Variants in SGCG observed in about 807,000 individuals in gnomAD.
SGCG encodes the protein gamma-sarcoglycan.
Under a neutral mutation model 29.3 loss-of-function variants are expected in SGCG, and 26 were observed. The ratio of observed to expected loss-of-function variants is 0.89; its 90% CI spans 0.65 to 1.23. SGCG has a LOEUF of 1.23. Ranked by LOEUF, SGCG falls within the 50% of genes most tolerant of loss-of-function variation. The pLI is 0.00. For missense variants in SGCG, 353 were observed against 356.0 expected (o/e 0.99, Z 0.07); for synonymous variants, 145 against 129.7 (o/e 1.12, Z -0.80).
chr13:23,203,602 T>A, intron 1 of SGCG, 93 bp from the exon 2 acceptor site: 1 of 860,886 alleles, frequency 1.2e-6, no homozygotes, highest in African/African-American at 1.7e-5. Context: ...AAATATGTTT[T>A]CAGGCTCATA....
chr13:23,281,219 G>A (rs1286199907), intron 5 of SGCG, among the ~76,000 whole-genome samples: 2 of 151,768 alleles, frequency 1.3e-5, no homozygotes, highest in East Asian at 3.9e-4. Flanking sequence ...GCGTGCCTGT[G>A]GTCCCAGCTA....
At chr13:23,289,958 A>G (rs992166405) in intron 5 of SGCG, among the ~76,000 whole-genome samples, 5 of 152,212 alleles carry the variant, frequency 3.3e-5, no homozygotes, top group African/African-American at 1.2e-4. Context: ...ATTGTAGTAC[A>G]CGTAATCAGC....
chr13:23,314,176 GTA>G lies in SGCG; in HGVS notation c.579-6448_579-6447del, dbSNP rs1344869674. ...AGCTATATATATAGAGTTTTGAACA[GTA>G]TATATATATATAGAGAGAGAGAGAG... On this transcript the variant is annotated intron_variant, in intron 6 of 7. Coordinates refer to ENST00000218867, the MANE Select transcript of SGCG (RefSeq NM_000231.3). 1.3e-3 allele frequency among the ~76,000 whole-genome samples: 173 copies of G among 135,760 alleles called. 2 individuals are homozygous for G. Among genetic ancestry groups the G allele is most frequent in the African/African-American group, 3.7e-3 (145 of 39,450 alleles). The allele number at this position is 135,760 out of a possible 152,430, so 89.1% of individuals were successfully genotyped here. A position where few individuals can be genotyped will look rare whatever the true frequency, so the allele number is the denominator to read the frequency against.
intron 4 of SGCG, among the ~76,000 whole-genome samples, chr13:23,255,419 G>A (rs183306605): frequency 6.6e-5 from 10 of 152,220 alleles, no homozygotes; most frequent in East Asian, 1.9e-4. Flanking sequence ...GACTTAGGAC[G>A]TTGGACTTCA....
chr13:23,219,414 A>G (rs989370086), intron 2 of SGCG, among the ~76,000 whole-genome samples: 1 of 152,186 alleles, frequency 6.6e-6, no homozygotes, highest in Non-Finnish European at 1.5e-5. Flanking sequence ...TTTAATGTCT[A>G]AATAGAGGTA....
At position 23,324,655 on chromosome 13, in the gene SGCG, C is replaced by G. The variant is rs1883169406; in HGVS notation, c.*114C>G. 2 of 875,288 alleles carry G rather than the reference C, an allele frequency of 2.3e-6. No homozygotes were observed. The highest frequency in any genetic ancestry group is 3.6e-6 in the Non-Finnish European group (2 of 551,726). 54.2% of individuals were successfully genotyped at this position (875,288 alleles called of 1,614,324 possible). A position where few individuals can be genotyped will look rare whatever the true frequency, so the allele number is the denominator to read the frequency against. The stretch of plus-strand genomic sequence containing the variant: ...AGCGTGGATGGGAAGTAAACGCTTC[C>G]AGAGGAACTCAGAAAAAATTATGTG... On this transcript the variant is annotated 3_prime_UTR_variant, in exon 8 of 8. Transcript: ENST00000218867.
intron 1 of SGCG, among the ~76,000 whole-genome samples, chr13:23,200,769 G>A (rs1877713347): frequency 6.6e-6 from 1 of 152,118 alleles, no homozygotes; most frequent in Admixed American, 6.5e-5. Context: ...AGCGATCTTT[G>A]CACAGAGAGT....
At chr13:23,271,511 G>A (rs1355840949) in intron 4 of SGCG, among the ~76,000 whole-genome samples, 5 of 152,314 alleles carry the variant, frequency 3.3e-5, no homozygotes, top group South Asian at 2.1e-4. Context: ...TGCAGCCGGC[G>A]GGCTACAGGT....
chr13:23,167,547 G>A, the SGCG span, among the ~76,000 whole-genome samples: 4 of 151,914 alleles, frequency 2.6e-5, no homozygotes, highest in African/African-American at 7.3e-5. Context: ...TTTTCTCCAC[G>A]TCCTCGCCAG....
At chr13:23,268,864 G>A (rs1368349040) in intron 4 of SGCG, 6 of 148,660 alleles carry the variant, frequency 4.0e-5, no homozygotes, top group African/African-American at 1.2e-4. Context: ...TGGGCCAAGA[G>A]ACAAGTTACT....
Position 23,223,862 on chromosome 13 carries a change from A to C in SGCG, c.196-10749A>C, listed in dbSNP as rs546474593. ...GTGCCTGTAATCCCAGCTACTCGGG[A>C]GGCTGAGGCAAGAGAATCGCTTGAA... On this transcript the variant is annotated intron_variant, in intron 2 of 7. Transcript: ENST00000218867. Among the ~76,000 whole-genome samples the C allele has an allele frequency of 8.5e-5, 13 of 152,302 alleles. No individual in the cohort carries two copies. The South Asian group carries it at 2.7e-3, about 32-fold the overall frequency.
chr13:23,246,154 T>G (rs7338202), intron 3 of SGCG: 6,784 of 153,090 alleles, frequency 0.044, 253 homozygotes, highest in Middle Eastern at 0.1. Context: ...GAGTGATTAT[T>G]CCACCAGTTT....
intron 2 of SGCG, among the ~76,000 whole-genome samples, chr13:23,209,678 A>C (rs542931039): frequency 1.1e-3 from 166 of 152,274 alleles, no homozygotes; most frequent in African/African-American, 3.9e-3. Flanking sequence ...CAACACTGTA[A>C]AATAGGCTTT....
chr13:23,306,025 A>AATTATT (rs527613380), intron 6 of SGCG, among the ~76,000 whole-genome samples: 4 of 151,488 alleles, frequency 2.6e-5, no homozygotes, highest in African/African-American at 7.3e-5. Flanking sequence ...AATGCACTAC[A>AATTATT]ATTATTATTA....
chr13:23,275,828 G>C (rs1881048448), intron 4 of SGCG, among the ~76,000 whole-genome samples: 1 of 152,136 alleles, frequency 6.6e-6, no homozygotes, highest in Admixed American at 6.5e-5. Context: ...TGCAACAGCA[G>C]AATATACGTT....
chr13:23,204,685 C>G, intron 2 of SGCG, among the ~76,000 whole-genome samples: 1 of 140,828 alleles, frequency 7.1e-6, no homozygotes. Flanking sequence ...TCTTTCTCCT[C>G]TTTCTCTCTT....
chr13:23,298,640 G>A (rs1882003582), intron 6 of SGCG, among the ~76,000 whole-genome samples: 1 of 151,924 alleles, frequency 6.6e-6, no homozygotes, highest in African/African-American at 2.4e-5. Context: ...TCCTAGGTTA[G>A]AAAAATCATT....
At chr13:23,323,382 G>C (rs1883118310) in intron 7 of SGCG, among the ~76,000 whole-genome samples, 1 of 152,236 alleles carries the variant, frequency 6.6e-6, no homozygotes, top group Non-Finnish European at 1.5e-5. Context: ...CCTGGCAGGT[G>C]CACACCGGCG....
At chr13:23,312,551 C>T (rs11616235) in intron 6 of SGCG, among the ~76,000 whole-genome samples, 29,615 of 152,094 alleles carry the variant, frequency 0.19, 3,405 homozygotes, top group Non-Finnish European at 0.25. Context: ...TAGATGGAAA[C>T]TAAGTGATGT....
Sources: allele counts gnomAD v4.1 joint callset (sites outside exome capture counted in the v4.1 genomes callset), GRCh38; gene constraint gnomAD v4.1.1; transcripts MANE v1.5; gene names NCBI Gene and HGNC (gene_info 2026-07-23, HGNC 2026-07-21).